The following PRPF6 variants were observed in gnomAD, a reference collection of about 807,000 sequenced individuals.
PRPF6 encodes pre-mRNA processing factor 6.
In PRPF6, 42 loss-of-function variants were observed where a neutral mutation model predicts 118.3. The observed-to-expected ratio is 0.35, with a 90% confidence interval of 0.28 to 0.46. PRPF6 has a LOEUF of 0.46. Ranked by LOEUF, PRPF6 falls within the 20% of genes least tolerant of loss-of-function variation. PRPF6 has a pLI of 1.00. For missense variants in PRPF6, 662 were observed against 1,255.7 expected, an observed-to-expected ratio of 0.53 and a Z score of 7.15; for synonymous variants, 481 against 485.1, an observed-to-expected ratio of 0.99 and a Z score of 0.11.
chr20:64,005,054 G>T (rs1207587751), intron 9 of PRPF6, among the ~76,000 whole-genome samples: 1 of 152,166 alleles, frequency 6.6e-6, no homozygotes, highest in Admixed American at 6.5e-5. Flanking sequence ...CTAGCATTCA[G>T]AATACTCTTC....
At chr20:63,999,270 GT>G in intron 7 of PRPF6, 131 bp downstream of exon 7, 1 of 815,206 alleles carries the variant, frequency 1.2e-6, no homozygotes, top group Non-Finnish European at 2.1e-6. Flanking sequence ...GGAGTAGTTT[GT>G]TTTTTCCATT....
intron 2 of PRPF6, among the ~76,000 whole-genome samples, chr20:63,983,944 C>T (rs1035489582): frequency 6.6e-6 from 1 of 152,128 alleles, no homozygotes; most frequent in African/African-American, 2.4e-5. Context: ...TGAGCCACTG[C>T]GCCTGGCTGC....
chr20:63,992,535 G>T (rs1425203210), intron 3 of PRPF6, among the ~76,000 whole-genome samples: 1 of 152,184 alleles, frequency 6.6e-6, no homozygotes, highest in East Asian at 1.9e-4. Flanking sequence ...GGGATTACAG[G>T]TGTAAGCCAC....
At chr20:64,017,629 G>A (rs1254205753) in intron 12 of PRPF6, among the ~76,000 whole-genome samples, 1 of 149,798 alleles carries the variant, frequency 6.7e-6, no homozygotes, top group Non-Finnish European at 1.5e-5. Context: ...ATGAGCCGCC[G>A]CGCCCGGCCT....
In PRPF6 at chr20:64,029,149, A is replaced by C. The variant is rs1276702822; in HGVS notation, c.2432-228A>C. Reference sequence around the variant, plus strand: ...GCCATTGCACTCCACCCTGAATGACAGAGTGAGACTCTGCAGGGTGTCCAG... The same window carrying C: ...GCCATTGCACTCCACCCTGAATGACCGAGTGAGACTCTGCAGGGTGTCCAG... On this transcript the variant is annotated intron_variant, in intron 18 of 20. Coordinates refer to ENST00000266079, the MANE Select transcript of PRPF6 (RefSeq NM_012469.4). The surrounding 1 kb of genome is among the most constrained non-coding windows in gnomAD (Gnocchi z 4.8). 2.6e-5 allele frequency among the ~76,000 whole-genome samples: 4 copies of C among 152,186 alleles called. No homozygotes were observed. Among genetic ancestry groups the C allele is most frequent in the African/African-American group, 9.7e-5 (4 of 41,446 alleles).
chr20:64,019,293 G>A (rs1272478903), intron 12 of PRPF6, among the ~76,000 whole-genome samples: 2 of 151,802 alleles, frequency 1.3e-5, no homozygotes, highest in Non-Finnish European at 2.9e-5. Context: ...TTTTTATAGA[G>A]ATGAGGTTTC....
rs1405959400 is a variant in PRPF6 at position 63,999,124 on chromosome 20, A to G, written c.851A>G (p.His284Arg). 6.2e-7 allele frequency: 1 copy of G among 1,613,838 alleles called. No individual in the cohort carries two copies. The highest frequency in any genetic ancestry group is 8.5e-7 in the Non-Finnish European group (1 of 1,179,890). The change falls in exon 7 of 21, where the codon CAC becomes CGC. Residue 284 changes from histidine to arginine, a missense_variant. By Grantham distance (29) the His-to-Arg change is conservative. Transcript: ENST00000266079. ...LTDLNSMIPT[H>R]GGDINDIKKA... is the part of the protein sequence containing the mutation. The stretch of plus-strand genomic sequence containing the variant: ...GATTTAAATTCCATGATCCCGACAC[A>G]CGGAGGAGACATCAAGTGAGTGCTT...
At chr20:64,018,852 C>T (rs1363143482) in intron 12 of PRPF6, among the ~76,000 whole-genome samples, 2 of 152,108 alleles carry the variant, frequency 1.3e-5, no homozygotes, top group Non-Finnish European at 2.9e-5. Flanking sequence ...CTCCTTCATC[C>T]GTGTGCGTTC....
At chr20:64,025,877 T>C in intron 14 of PRPF6, 62 bp from the exon 15 acceptor site, 2 of 1,612,542 alleles carry the variant, frequency 1.2e-6, no homozygotes. Flanking sequence ...TTTGATTAAG[T>C]GTGATCAGGC....
At chr20:63,986,070 A>G in intron 3 of PRPF6, among the ~76,000 whole-genome samples, 1 of 152,178 alleles carries the variant, frequency 6.6e-6, no homozygotes. Flanking sequence ...GCAGTGGATC[A>G]CGCCTGTAAT....
chr20:64,011,237 C>G lies in PRPF6; in HGVS notation c.1306-48C>G, dbSNP rs368829986. 5.1e-5 allele frequency: 80 copies of G among 1,574,898 alleles called. No homozygotes were observed. The highest frequency in any genetic ancestry group is 6.7e-5 in the Non-Finnish European group (77 of 1,147,228). On this transcript the variant is annotated intron_variant, in intron 10 of 20. Coordinates refer to ENST00000266079, the MANE Select transcript of PRPF6 (RefSeq NM_012469.4). The surrounding 1 kb of genome is among the most constrained non-coding windows in gnomAD (Gnocchi z 6.7). ...GGGTCGCTGTCTGGCCTGCAGCTGT[C>G]CCCCCAGCACAGTGTCCTCTCCTTT...
At chr20:63,993,633 A>T in intron 4 of PRPF6, 148 bp downstream of exon 4, 1 of 703,472 alleles carries the variant, frequency 1.4e-6, no homozygotes, top group South Asian at 1.6e-5. Context: ...TGTTTGCTTC[A>T]GTATGTTTAA....
chr20:63,991,906 C>A (rs771964976), intron 3 of PRPF6, among the ~76,000 whole-genome samples: 1 of 152,130 alleles, frequency 6.6e-6, no homozygotes, highest in South Asian at 2.1e-4. Flanking sequence ...GTCTCAACAC[C>A]GAAGTGCAAT....
At chr20:64,017,498 C>T (rs1272509650) in intron 12 of PRPF6, among the ~76,000 whole-genome samples, 4 of 147,594 alleles carry the variant, frequency 2.7e-5, no homozygotes, top group African/African-American at 5.0e-5. Context: ...TGAGCCGCCG[C>T]GCCCGGCCTC....
intron 3 of PRPF6, among the ~76,000 whole-genome samples, 191 bp from the exon 4 acceptor site, chr20:63,993,216 A>C (rs994872056): frequency 2.3e-3 from 294 of 130,114 alleles, no homozygotes; most frequent in African/African-American, 8.2e-3. Flanking sequence ...ACTCCATCTC[A>C]AAAAAAAAAA....
intron 1 of PRPF6, among the ~76,000 whole-genome samples, chr20:63,982,628 A>G (rs2059075914): frequency 6.6e-6 from 1 of 152,172 alleles, no homozygotes; most frequent in Admixed American, 6.5e-5. Context: ...ATTCATTAGT[A>G]CTTGGGGACA....
At position 64,026,521 on chromosome 20, in the gene PRPF6, A is replaced by G. The variant is rs771403169; in HGVS notation, c.2029-461A>G. ...AACTGTCTCAGCAACAACAACAACA[A>G]CAAACATGTTCATACGGCCGGGTGT... On this transcript the variant is annotated intron_variant, in intron 15 of 20. Transcript: ENST00000266079. The surrounding 1 kb of genome is among the most constrained non-coding windows in gnomAD (Gnocchi z 4.4). 1.4e-5 allele frequency among the ~76,000 whole-genome samples: 2 copies of G among 143,120 alleles called. No individual in the cohort carries two copies. Among genetic ancestry groups the G allele is most frequent in the African/African-American group, 5.3e-5 (2 of 37,904 alleles). 93.9% of individuals were successfully genotyped at this position (143,120 alleles called of 152,430 possible).
chr20:64,016,539 A>G lies in PRPF6; in HGVS notation c.1525-184A>G, dbSNP rs560020802. ...ACAGTGTGCCTATGTCCTTTGTGAC[A>G]TTTCTCTATTGTTTTTTCTGATTGG... On this transcript the variant is annotated intron_variant, in intron 11 of 20. Transcript: ENST00000266079. 9.5e-4 allele frequency among the ~76,000 whole-genome samples: 145 copies of G among 152,072 alleles called. 1 individual carries two copies. Among genetic ancestry groups the G allele is most frequent in the Admixed American group, 2.0e-3 (31 of 15,284 alleles).
At chr20:64,024,752 C>T in intron 14 of PRPF6, 59 bp downstream of exon 14, 2 of 1,581,536 alleles carry the variant, frequency 1.3e-6, no homozygotes, top group Admixed American at 3.6e-5. Flanking sequence ...GACCTGGGTG[C>T]TGACTGGGGC....
Sources: allele counts gnomAD v4.1 joint callset (sites outside exome capture counted in the v4.1 genomes callset), GRCh38; gene constraint gnomAD v4.1.1; non-coding constraint Gnocchi (gnomAD v3.1); transcripts MANE v1.5; gene names NCBI Gene and HGNC (gene_info 2026-07-23, HGNC 2026-07-21).